CNTNAP2: variants seen among roughly 807,000 people sequenced by gnomAD.
CNTNAP2 encodes contactin-associated protein-like 2.
CNTNAP2 carries 98 observed loss-of-function variants against 155.2 expected under a neutral mutation model. The ratio of observed to expected loss-of-function variants is 0.63; its 90% confidence interval spans 0.54 to 0.75. CNTNAP2 has a LOEUF of 0.75. CNTNAP2 is among the 30% of genes least tolerant of loss of function. The pLI is 0.00. For missense variants in CNTNAP2, 1,727 were observed against 1,688.1 expected (o/e 1.02, Z -0.40); for synonymous variants, 651 against 631.2 (o/e 1.03, Z -0.47).
At chr7:146,560,887 C>G (rs556533628) in intron 1 of CNTNAP2, among the ~76,000 whole-genome samples, 1 of 152,122 alleles carries the variant, frequency 6.6e-6, no homozygotes, top group African/African-American at 2.4e-5. Context: ...TTCAAGGGAC[C>G]TTGACTTATT....
At chr7:146,342,287 C>T (rs555031161) in intron 1 of CNTNAP2, among the ~76,000 whole-genome samples, 8 of 152,218 alleles carry the variant, frequency 5.3e-5, no homozygotes, top group South Asian at 4.1e-4. Flanking sequence ...GTTTTACCAA[C>T]ATACTACAAG....
chr7:147,211,509 C>A (rs555042823), intron 8 of CNTNAP2, among the ~76,000 whole-genome samples: 1 of 152,068 alleles, frequency 6.6e-6, no homozygotes, highest in African/African-American at 2.4e-5. Context: ...GAAATAAAGC[C>A]ACACACCTCC....
intron 1 of CNTNAP2, among the ~76,000 whole-genome samples, chr7:146,400,521 G>A (rs1795699262): frequency 6.6e-6 from 1 of 152,186 alleles, no homozygotes; most frequent in African/African-American, 2.4e-5. Flanking sequence ...GACAGTGAAA[G>A]TTAGTGAGAG....
intron 13 of CNTNAP2, among the ~76,000 whole-genome samples, chr7:147,711,319 A>G (rs1481133855): frequency 1.4e-4 from 22 of 152,192 alleles, no homozygotes; most frequent in Admixed American, 1.4e-3. Context: ...ATCTTTCTAC[A>G]TAAAGACCAT....
At chr7:147,295,559 G>GC (rs1563150011) in intron 8 of CNTNAP2, among the ~76,000 whole-genome samples, 3 of 152,034 alleles carry the variant, frequency 2.0e-5, no homozygotes. Context: ...TATCACCATG[G>GC]CTAGCACATA....
intron 15 of CNTNAP2, among the ~76,000 whole-genome samples, chr7:147,986,558 A>G (rs1012621141): frequency 6.6e-6 from 1 of 152,182 alleles, no homozygotes; most frequent in Non-Finnish European, 1.5e-5. Context: ...GTCTGGGTCT[A>G]GAGAGGTTAA....
intron 3 of CNTNAP2, among the ~76,000 whole-genome samples, chr7:146,955,574 A>G (rs1797417290): frequency 6.6e-6 from 1 of 152,004 alleles, no homozygotes; most frequent in South Asian, 2.1e-4. Context: ...TATTGTTTCA[A>G]ATTAATAGGG....
chr7:146,371,735 C>G (rs1351322284), intron 1 of CNTNAP2, among the ~76,000 whole-genome samples: 1 of 151,568 alleles, frequency 6.6e-6, no homozygotes, highest in Admixed American at 6.6e-5. Flanking sequence ...GCGGATTACC[C>G]TCTGAGGTCA....
chr7:147,925,116 C>T (rs1395058820), intron 14 of CNTNAP2, among the ~76,000 whole-genome samples: 2 of 110,214 alleles, frequency 1.8e-5, no homozygotes, highest in African/African-American at 7.6e-5. Flanking sequence ...GAGACTCCAT[C>T]AGAAAGAGAG....
chr7:146,873,993 G>A (rs77212257), intron 3 of CNTNAP2, among the ~76,000 whole-genome samples: 6 of 152,102 alleles, frequency 3.9e-5, no homozygotes, highest in South Asian at 2.1e-4. Context: ...AAATTAAGTC[G>A]GAAATGCTAA....
At chr7:147,399,555 G>T (rs2116463544) in intron 10 of CNTNAP2, among the ~76,000 whole-genome samples, 1 of 152,270 alleles carries the variant, frequency 6.6e-6, no homozygotes, top group Non-Finnish European at 1.5e-5. Flanking sequence ...AGGAAGAAAG[G>T]AGATGCCATC....
intron 15 of CNTNAP2, among the ~76,000 whole-genome samples, chr7:148,033,479 C>T (rs1013306631): frequency 4.6e-5 from 7 of 152,068 alleles, no homozygotes; most frequent in African/African-American, 1.7e-4. Flanking sequence ...CCTCTACCCG[C>T]CACTCCACAA....
At chr7:146,217,478 A>G (rs1013655825) in intron 1 of CNTNAP2, among the ~76,000 whole-genome samples, 5 of 152,180 alleles carry the variant, frequency 3.3e-5, no homozygotes, top group African/African-American at 1.2e-4. Context: ...GGTAATAAAC[A>G]TAGTACCCAA....
At chr7:147,386,170 T>C (rs944269616) in intron 9 of CNTNAP2, among the ~76,000 whole-genome samples, 1 of 152,172 alleles carries the variant, frequency 6.6e-6, no homozygotes. Flanking sequence ...GCCCGACCCA[T>C]GAAATGATTT....
At chr7:146,594,333 G>A (rs1001397699) in intron 1 of CNTNAP2, among the ~76,000 whole-genome samples, 17 of 151,972 alleles carry the variant, frequency 1.1e-4, no homozygotes, top group Admixed American at 9.8e-4. Flanking sequence ...TTCCAGATGA[G>A]CCTGGCTTGG....
At chr7:147,346,619 G>A (rs1038788863) in intron 9 of CNTNAP2, among the ~76,000 whole-genome samples, 2 of 152,198 alleles carry the variant, frequency 1.3e-5, no homozygotes, top group Admixed American at 1.3e-4. Context: ...GGTGAAGAGA[G>A]AGTTGCAGGA....
At chr7:146,569,372 A>G (rs1468260416) in intron 1 of CNTNAP2, among the ~76,000 whole-genome samples, 1 of 152,178 alleles carries the variant, frequency 6.6e-6, no homozygotes, top group Non-Finnish European at 1.5e-5. Flanking sequence ...TCTTTGTGCT[A>G]TCTTCACCAT....
chr7:147,495,170 A>C (rs539107627), intron 11 of CNTNAP2, among the ~76,000 whole-genome samples: 1 of 152,334 alleles, frequency 6.6e-6, no homozygotes, highest in Admixed American at 6.5e-5. Flanking sequence ...AGTGTGTATG[A>C]TATGAGAGAA....
At chr7:146,651,142 C>G (rs1450408397) in intron 1 of CNTNAP2, among the ~76,000 whole-genome samples, 1 of 152,038 alleles carries the variant, frequency 6.6e-6, no homozygotes, top group Non-Finnish European at 1.5e-5. Flanking sequence ...TCTCTGAGCT[C>G]ATGACAGAGT....
Sources: gnomAD v4.1 joint callset for allele counts (sites outside exome capture counted in the v4.1 genomes callset) on GRCh38, gnomAD v4.1.1 for gene constraint, MANE v1.5 for transcripts, NCBI Gene and HGNC (gene_info 2026-07-23, HGNC 2026-07-21) for gene names.